RHBDF2: variants seen among roughly 807,000 people sequenced by gnomAD.
RHBDF2 encodes inactive rhomboid protein 2.
In RHBDF2, 38 loss-of-function variants were observed where a neutral mutation model predicts 95.2. The observed-to-expected ratio is 0.40, with a 90% confidence interval of 0.31 to 0.52. RHBDF2 has a LOEUF of 0.52. Among genes scored for constraint, RHBDF2 ranks in the 20% least tolerant of loss-of-function variants. The pLI, the probability that RHBDF2 is intolerant of heterozygous loss-of-function variation, is 0.56. For synonymous variants in RHBDF2, 442 were observed against 462.0 expected, an observed-to-expected ratio of 0.96 and a Z score of 0.55; for missense variants, 863 against 1,137.7, an observed-to-expected ratio of 0.76 and a Z score of 3.47.
chr17:76,492,112 A>G (rs1024956992), intron 1 of RHBDF2, among the ~76,000 whole-genome samples: 3 of 152,198 alleles, frequency 2.0e-5, no homozygotes, highest in Non-Finnish European at 2.9e-5. Context: ...CTTCAGCCCC[A>G]GCCCAGCTGG....
chr17:76,479,366 C>T (rs1176422964), intron 4 of RHBDF2, 89 bp from the exon 5 acceptor site: 5 of 1,519,932 alleles, frequency 3.3e-6, no homozygotes, highest in Non-Finnish European at 3.5e-6. Context: ...ACGTGTGTGC[C>T]CGCGTGCCTA....
chr17:76,498,562 T>C (rs2074488637), intron 1 of RHBDF2, among the ~76,000 whole-genome samples: 1 of 152,160 alleles, frequency 6.6e-6, no homozygotes. Flanking sequence ...GCTCCTTGAC[T>C]TCTGCTGTCA....
rs563117335 is a variant in RHBDF2 at position 76,473,839 on chromosome 17, C to T, written c.1638G>A (p.Pro546=). Residue 546 remains proline (P), a splice_region_variant and synonymous_variant, in exon 14 of 19, where the codon CCG becomes CCA. Coordinates refer to ENST00000675367, the MANE Select transcript of RHBDF2 (RefSeq NM_001005498.4). ...ACCACTCCCCGCCAGGGACACTCAC[C>T]GGCCACTTAGTGATGTCATCGGGCC... is the stretch of plus-strand genomic sequence containing the variant. The part of the protein sequence containing the change: ...HIWPDDITKW[P]ICTEQARSNH... The T allele has an allele frequency of 5.8e-5, 94 of 1,614,056 alleles. No individual in the cohort carries two copies. In the South Asian group the frequency reaches 7.9e-4, roughly 14 times the overall value.
chr17:76,473,407 G>T, intron 15 of RHBDF2, 80 bp from the exon 16 acceptor site: 2 of 1,296,902 alleles, frequency 1.5e-6, no homozygotes, highest in Non-Finnish European at 2.2e-6. Context: ...CCAGCACCTG[G>T]CTACAGGAGG....
chr17:76,487,665 A>G (rs1196889294), intron 2 of RHBDF2, 47 bp downstream of exon 2: 1 of 152,362 alleles, frequency 6.6e-6, no homozygotes, highest in East Asian at 1.9e-4. Context: ...ACGTGGGCAC[A>G]GCAGCCAGCG....
chr17:76,472,524 T>G, intron 18 of RHBDF2, 162 bp downstream of exon 18: 1 of 868,904 alleles, frequency 1.2e-6, no homozygotes, highest in Non-Finnish European at 1.9e-6. Flanking sequence ...CTCACTGGGA[T>G]TAAGAGACCA....
rs1278741134 is a variant in RHBDF2 at position 76,475,029 on chromosome 17, C to A, written c.1227+1G>T. 8.2e-6 allele frequency: 13 copies of A among 1,578,628 alleles called. No homozygotes were observed. The highest frequency in any genetic ancestry group is 1.0e-5 in the Non-Finnish European group (12 of 1,161,894). On this transcript the variant is annotated splice_donor_variant, in intron 10 of 18. Coordinates refer to ENST00000675367, the MANE Select transcript of RHBDF2 (RefSeq NM_001005498.4). LOFTEE classifies it high-confidence loss of function. Reference sequence around the variant, plus strand: ...CCAGCATGGAGCCTGACCCGACTCACCAGCTGGGTGGTGACGTGCTGGGCA... The same window carrying A: ...CCAGCATGGAGCCTGACCCGACTCAACAGCTGGGTGGTGACGTGCTGGGCA...
intron 3 of RHBDF2, among the ~76,000 whole-genome samples, chr17:76,480,168 C>T (rs1045298251): frequency 5.5e-5 from 8 of 145,988 alleles, no homozygotes; most frequent in East Asian, 2.0e-4. Flanking sequence ...CTGACACCTC[C>T]GCCTCCCAGG....
intron 1 of RHBDF2, among the ~76,000 whole-genome samples, chr17:76,495,758 A>G (rs1567892618): frequency 3.9e-5 from 6 of 152,302 alleles, no homozygotes; most frequent in African/African-American, 1.4e-4. Flanking sequence ...CTCCGGCTGC[A>G]TGGAGCCCCT....
Position 76,471,272 on chromosome 17 carries a change from A to C in RHBDF2, c.*361T>G, listed in dbSNP as rs1240818439. ...GGGCACGCTCCAGTAGTAGTGGGGG[A>C]GAAGGCACCAGCAGAGGCAGCGCTG... is the stretch of plus-strand genomic sequence containing the variant. On this transcript the variant is annotated 3_prime_UTR_variant, in exon 19 of 19. Transcript: ENST00000675367. 4.2e-6 allele frequency: 1 copy of C among 238,262 alleles called. No homozygotes were observed. Among genetic ancestry groups the C allele is most frequent in the Non-Finnish European group, 8.2e-6 (1 of 121,750 alleles). The allele number at this position is 238,262 out of a possible 1,614,324, so 14.8% of individuals were successfully genotyped here.
intron 6 of RHBDF2, 84 bp downstream of exon 6, chr17:76,478,722 G>A: frequency 8.5e-7 from 1 of 1,173,926 alleles, no homozygotes; most frequent in Non-Finnish European, 1.2e-6. Context: ...GAGCTTTAGG[G>A]GATGCTACTA....
intron 3 of RHBDF2, among the ~76,000 whole-genome samples, chr17:76,480,383 G>A (rs192971040): frequency 1.5e-4 from 22 of 150,062 alleles, no homozygotes; most frequent in East Asian, 1.2e-3. Flanking sequence ...TACCATGCCC[G>A]GCCTATATAT....
At chr17:76,499,699 A>G (rs913561776) in intron 1 of RHBDF2, among the ~76,000 whole-genome samples, 2 of 152,156 alleles carry the variant, frequency 1.3e-5, no homozygotes, top group Admixed American at 1.3e-4. Flanking sequence ...GTGAGTTCAG[A>G]AGGGAAAATT....
At chr17:76,472,279 G>T (rs373350521) in intron 18 of RHBDF2, 1 of 600,968 alleles carries the variant, frequency 1.7e-6, no homozygotes, top group South Asian at 2.0e-5. Context: ...GTGTGGGTCC[G>T]TAGCAATAAG....
intron 6 of RHBDF2, among the ~76,000 whole-genome samples, chr17:76,478,506 G>A (rs1177323715): frequency 2.0e-5 from 3 of 152,214 alleles, no homozygotes; most frequent in African/African-American, 4.8e-5. Context: ...TGGAAAACCC[G>A]GGTGGATGAG....
chr17:76,478,998 C>T lies in RHBDF2; in HGVS notation c.480G>A (p.Pro160=), dbSNP rs773527172. 97 of 1,598,242 alleles carry T rather than the reference C, an allele frequency of 6.1e-5. No individual in the cohort carries two copies. Among genetic ancestry groups the T allele is most frequent in the Non-Finnish European group, 7.5e-5 (88 of 1,170,488 alleles). The change falls in exon 6 of 19, where the codon CCG becomes CCA. Residue 160 remains proline (P), a synonymous_variant. Coordinates refer to ENST00000675367, the MANE Select transcript of RHBDF2 (RefSeq NM_001005498.4). ...GGCGGAAGGCCCGGCCCCGGGCCAG[C>T]GGATCCACAATCTGGAAGGGAGGGG... ...KPCKMPKIVD[P]LARGRAFRHP...
At chr17:76,499,338 G>T (rs189866838) in intron 1 of RHBDF2, among the ~76,000 whole-genome samples, 3 of 152,284 alleles carry the variant, frequency 2.0e-5, no homozygotes, top group African/African-American at 7.2e-5. Context: ...GGGCATGGAC[G>T]TGGCTGCTTC....
At chr17:76,472,585 G>A (rs1393998555) in intron 18 of RHBDF2, 101 bp downstream of exon 18, 2 of 1,474,342 alleles carry the variant, frequency 1.4e-6, no homozygotes, top group East Asian at 2.3e-5. Context: ...CCCAGTACAG[G>A]AGGGGCACCG....
intron 9 of RHBDF2, 108 bp downstream of exon 9, chr17:76,476,719 CAGA>C: frequency 7.0e-7 from 1 of 1,430,512 alleles, no homozygotes; most frequent in African/African-American, 1.4e-5. Flanking sequence ...TCCTGATCCG[CAGA>C]AGATGCTCAT....
Sources: gnomAD v4.1 joint callset for allele counts (sites outside exome capture counted in the v4.1 genomes callset) on GRCh38, gnomAD v4.1.1 for gene constraint, MANE v1.5 for transcripts, NCBI Gene and HGNC (gene_info 2026-07-23, HGNC 2026-07-21) for gene names.